MARK2: variants seen among roughly 807,000 people sequenced by gnomAD.
MARK2 encodes the protein serine/threonine-protein kinase MARK2.
In MARK2, 16 loss-of-function variants were observed where a neutral mutation model predicts 89.8. That is an observed-to-expected ratio of 0.18 (90% CI 0.12 to 0.27). The LOEUF is 0.27. Ranked by LOEUF, MARK2 falls within the 10% of genes least tolerant of loss-of-function variation. The pLI is 1.00. For synonymous variants in MARK2, 382 were observed against 399.5 expected (o/e 0.96, Z 0.52); for missense variants, 621 against 1,049.9 (o/e 0.59, Z 5.65).
At chr11:63,872,886 T>TGCCCCC (rs1491136490) in intron 1 of MARK2, among the ~76,000 whole-genome samples, 1 of 79,410 alleles carries the variant, frequency 1.3e-5, no homozygotes, top group African/African-American at 4.9e-5. Flanking sequence ...CACTTCTCCC[T>TGCCCCC]GCCCCCACCC....
chr11:63,854,186 CTGTGTG>C (rs55689743), intron 1 of MARK2, among the ~76,000 whole-genome samples: 3,962 of 141,580 alleles, frequency 0.028, 130 homozygotes, highest in African/African-American at 0.084. Flanking sequence ...ACTATTAATT[CTGTGTG>C]TGTGTGTGTG....
intron 1 of MARK2, among the ~76,000 whole-genome samples, chr11:63,857,089 G>A (rs1445501955): frequency 3.3e-5 from 5 of 152,038 alleles, no homozygotes; most frequent in Admixed American, 6.6e-5. Flanking sequence ...GGGATTGCAG[G>A]CATGAGCCAC....
chr11:63,898,195 G>A, intron 3 of MARK2, 37 bp from the exon 4 acceptor site: 2 of 1,598,176 alleles, frequency 1.3e-6, no homozygotes, highest in Non-Finnish European at 1.7e-6. Context: ...ATGGGAGCAA[G>A]TTGGGCAGGC....
At chr11:63,887,558 A>G (rs1939476506) in intron 1 of MARK2, among the ~76,000 whole-genome samples, 1 of 152,220 alleles carries the variant, frequency 6.6e-6, no homozygotes, top group African/African-American at 2.4e-5. Context: ...CTGTGAGAGC[A>G]CAGAGGAAGC....
intron 7 of MARK2, 91 bp downstream of exon 7, chr11:63,899,199 C>T (rs1940661795): frequency 1.3e-6 from 1 of 793,930 alleles, no homozygotes; most frequent in African/African-American, 1.7e-5. Flanking sequence ...AACCATCAGG[C>T]CCTGAGTGTT....
At chr11:63,906,208 T>A in intron 17 of MARK2, 94 bp downstream of exon 17, 2 of 1,238,820 alleles carry the variant, frequency 1.6e-6, no homozygotes, top group Middle Eastern at 3.0e-4. Context: ...TGGCTCTTAC[T>A]CTCCTCCATC....
intron 1 of MARK2, among the ~76,000 whole-genome samples, chr11:63,877,326 G>A (rs919873984): frequency 1.3e-5 from 2 of 151,754 alleles, no homozygotes; most frequent in African/African-American, 4.8e-5. Context: ...GGCCAGTCTG[G>A]TCTCGAACGC....
chr11:63,847,261 C>A (rs1416425024), intron 1 of MARK2, among the ~76,000 whole-genome samples: 1 of 152,168 alleles, frequency 6.6e-6, no homozygotes, highest in Non-Finnish European at 1.5e-5. Context: ...AAAGTAAATT[C>A]ATTTCCTTTT....
intron 1 of MARK2, among the ~76,000 whole-genome samples, chr11:63,884,781 G>A (rs927899922): frequency 6.6e-6 from 1 of 152,178 alleles, no homozygotes; most frequent in African/African-American, 2.4e-5. Context: ...CTTGGCAGTT[G>A]ATAGCGATAG....
chr11:63,884,473 T>A (rs1306929739), intron 1 of MARK2, among the ~76,000 whole-genome samples: 1 of 152,258 alleles, frequency 6.6e-6, no homozygotes, highest in Non-Finnish European at 1.5e-5. Context: ...TCTCCCTGCC[T>A]TGTGGTGAGG....
chr11:63,850,118 G>A (rs1290261951), intron 1 of MARK2: 1 of 151,958 alleles, frequency 6.6e-6, no homozygotes, highest in Admixed American at 6.6e-5. Flanking sequence ...GGTCCTATAG[G>A]TGCTTTTTCT....
intron 1 of MARK2, among the ~76,000 whole-genome samples, chr11:63,884,090 A>G (rs1208319496): frequency 6.6e-6 from 1 of 152,244 alleles, no homozygotes; most frequent in Non-Finnish European, 1.5e-5. Context: ...GGCAGGAGCC[A>G]GATCGCACTG....
chr11:63,905,942 C>G (rs1406972135), intron 16 of MARK2, 146 bp from the exon 17 acceptor site: 2 of 528,248 alleles, frequency 3.8e-6, no homozygotes, highest in African/African-American at 2.0e-5. Flanking sequence ...GCCTGGGACT[C>G]TAGTCTCGCT....
In MARK2 at chr11:63,870,187, C is replaced by T. The variant is rs148915584; in HGVS notation, c.55-24972C>T. ...CTGGAGAGCACCTCTGAAATCCTGC[C>T]GGAGACTATGCCCATAGAGGTGCCA... is the stretch of plus-strand genomic sequence containing the variant. On this transcript the variant is annotated intron_variant, in intron 1 of 18. Coordinates refer to ENST00000402010, the MANE Select transcript of MARK2 (RefSeq NM_001039469.3). 2.0e-3 allele frequency among the ~76,000 whole-genome samples: 300 copies of T among 152,258 alleles called. 1 individual carries two copies. The highest frequency in any genetic ancestry group is 6.9e-3 in the African/African-American group (285 of 41,544).
intron 1 of MARK2, among the ~76,000 whole-genome samples, chr11:63,842,349 T>A (rs1281007144): frequency 6.6e-6 from 1 of 152,034 alleles, no homozygotes; most frequent in African/African-American, 2.4e-5. Context: ...CCTGAGTAGC[T>A]GGGACTACAG....
chr11:63,888,410 C>T (rs1939534660), intron 1 of MARK2: 4 of 432,850 alleles, frequency 9.2e-6, no homozygotes, highest in Non-Finnish European at 1.2e-5. Context: ...GCCGTGGCTG[C>T]AGTGAGTCTC....
intron 1 of MARK2, among the ~76,000 whole-genome samples, chr11:63,875,272 C>T (rs1338340705): frequency 6.6e-6 from 1 of 152,088 alleles, no homozygotes; most frequent in African/African-American, 2.4e-5. Context: ...AAGTGTGTGC[C>T]ACCATGCCCA....
intron 1 of MARK2, among the ~76,000 whole-genome samples, chr11:63,848,727 CT>C (rs911187527): frequency 2.8e-3 from 403 of 144,510 alleles, no homozygotes; most frequent in Middle Eastern, 3.6e-3. Context: ...ATTTTTTGTA[CT>C]TTTTTTTTTT....
chr11:63,867,974 C>T (rs886549872), intron 1 of MARK2, among the ~76,000 whole-genome samples: 1 of 152,222 alleles, frequency 6.6e-6, no homozygotes, highest in Non-Finnish European at 1.5e-5. Flanking sequence ...AGATTGTTAC[C>T]TTCTTTGAAG....
Sources: allele counts gnomAD v4.1 joint callset (sites outside exome capture counted in the v4.1 genomes callset), GRCh38; gene constraint gnomAD v4.1.1; transcripts MANE v1.5; gene names NCBI Gene and HGNC (gene_info 2026-07-23, HGNC 2026-07-21).